ZNF496: variants seen among roughly 807,000 people sequenced by gnomAD.
The protein encoded by ZNF496 is NSD1 (nuclear receptor binding SET-domain containing 1)-interacting zinc finger protein 1.
A neutral mutation model predicts 58.9 loss-of-function variants in ZNF496; 11 were observed. That is an observed-to-expected ratio of 0.19 (90% confidence interval 0.12 to 0.31). The LOEUF (loss-of-function observed/expected upper bound fraction) is 0.31, where lower values mean the gene tolerates loss of function less well. Ranked by LOEUF, ZNF496 falls within the 10% of genes least tolerant of loss-of-function variation. The pLI is 1.00. For synonymous variants in ZNF496, 338 were observed against 318.2 expected (o/e 1.06, Z -0.66); for missense variants, 660 against 783.0 (o/e 0.84, Z 1.88).
rs753661948 is a variant in ZNF496 at position 247,329,207 on chromosome 1, G to T, written c.372C>A (p.Pro124=). 1 of 1,613,370 alleles carries T rather than the reference G, an allele frequency of 6.2e-7. No individual in the cohort carries two copies. ...VAAVEALERE[P]GRPWQWLKHC... The stretch of plus-strand genomic sequence containing the variant: ...TACTCACCCACTGCCAGGGTCTCCC[G>T]GGCTCCCGTTCCAGTGCCTCCACCG... The change falls in exon 4 of 10, where the codon CCC becomes CCA. Residue 124 remains proline (P), a synonymous_variant. Transcript: ENST00000682384. The surrounding 1 kb of genome is among the most constrained non-coding windows in gnomAD (Gnocchi z 5.5).
rs1382500766 is a variant in ZNF496, at chr1:247,322,423, C to A, written c.651+731G>T. Among the ~76,000 whole-genome samples, 3 of 152,160 alleles carry A rather than the reference C, an allele frequency of 2.0e-5. No individual in the cohort carries two copies. The East Asian group carries it at 5.8e-4, about 29-fold the overall frequency. ...TTCTGTTGGGTAAGGAGCAACTAAA[C>A]AAAAGCAGGAGCCACACATCCTGTT... On this transcript the variant is annotated intron_variant, in intron 6 of 9. Transcript: ENST00000682384.
intron 6 of ZNF496, among the ~76,000 whole-genome samples, chr1:247,321,118 A>G (rs1160839017): frequency 6.6e-6 from 1 of 151,808 alleles, no homozygotes; most frequent in Admixed American, 6.6e-5. Flanking sequence ...GGAGGTTGCG[A>G]TGAGCCGAGA....
At chr1:247,322,519 T>C (rs557836663) in intron 6 of ZNF496, among the ~76,000 whole-genome samples, 1 of 152,034 alleles carries the variant, frequency 6.6e-6, no homozygotes, top group Admixed American at 6.5e-5. Flanking sequence ...GGAGGGAAAG[T>C]GAAGGAGATA....
intron 9 of ZNF496, among the ~76,000 whole-genome samples, chr1:247,305,477 C>A (rs1405014765): frequency 4.6e-5 from 7 of 152,126 alleles, no homozygotes; most frequent in Non-Finnish European, 8.8e-5. Context: ...ACATAGCTAG[C>A]AGGCAGCCAG....
intron 9 of ZNF496, among the ~76,000 whole-genome samples, chr1:247,305,705 T>G (rs1659385334): frequency 6.6e-6 from 1 of 152,220 alleles, no homozygotes; most frequent in African/African-American, 2.4e-5. Flanking sequence ...CTTGTAAAGT[T>G]AGAATGGGGA....
At chr1:247,328,917 T>C (rs1441676549) in intron 4 of ZNF496, 51 bp from the exon 5 acceptor site, 4 of 1,536,276 alleles carry the variant, frequency 2.6e-6, no homozygotes, top group East Asian at 2.3e-5. Flanking sequence ...GTCCCATCTC[T>C]CCCTGGGCCT....
At position 247,300,420 on chromosome 1, in the gene ZNF496, C is replaced by T. The variant is rs1024267985; in HGVS notation, c.*99G>A. 1 of 1,356,042 alleles carries T rather than the reference C, an allele frequency of 7.4e-7. No homozygotes were observed. The highest frequency in any genetic ancestry group is 9.9e-7 in the Non-Finnish European group (1 of 1,011,894). 84.0% of individuals were successfully genotyped at this position (1,356,042 alleles called of 1,614,324 possible). On this transcript the variant is annotated 3_prime_UTR_variant, in exon 10 of 10. Transcript: ENST00000682384. The surrounding 1 kb of genome is among the most constrained non-coding windows in gnomAD (Gnocchi z 5.7). ...AGCAAGGACAGGAGGGAGGTGTGCT[C>T]TCTATCCTGGGGAAGGTATGTCCTG...
intron 5 of ZNF496, among the ~76,000 whole-genome samples, chr1:247,323,790 A>G (rs554708402): frequency 5.9e-5 from 9 of 152,014 alleles, no homozygotes; most frequent in African/African-American, 1.7e-4. Context: ...GAAGAAGAAA[A>G]AGAAAAAGCC....
chr1:247,322,675 G>A (rs1165229930), intron 6 of ZNF496: 8 of 1,271,338 alleles, frequency 6.3e-6, no homozygotes, highest in Non-Finnish European at 8.2e-6. Context: ...GAGAACATTC[G>A]AGGAAATTCT....
Position 247,301,201 on chromosome 1 carries a change from C to G in ZNF496, c.1082G>C (p.Gly361Ala), listed in dbSNP as rs768458477. 1.9e-6 allele frequency: 3 copies of G among 1,578,428 alleles called. No homozygotes were observed. The highest frequency in any genetic ancestry group is 2.6e-6 in the Non-Finnish European group (3 of 1,160,406). ...CGGGCCATGCTGGGAGTCCTCGTCC[C>G]CAGAGCTGGAGAGAACGATCTCGAT... ...VTIEIVLSSS[G>A]DEDSQHGPYC... Residue 361 changes from glycine (G) to alanine (A), a missense_variant, in exon 10 of 10, where the codon GGG becomes GCG. Coordinates refer to ENST00000682384, the MANE Select transcript of ZNF496 (RefSeq NM_032752.3).
At chr1:247,304,031 T>C (rs1185675375) in intron 9 of ZNF496, 1 of 438,688 alleles carries the variant, frequency 2.3e-6, no homozygotes, top group East Asian at 7.6e-5. Flanking sequence ...GAGTATTATA[T>C]ACCAGCAGAA....
rs1271586737 is a variant in ZNF496 at position 247,301,082 on chromosome 1, T to C, written c.1201A>G (p.Thr401Ala). The C allele has an allele frequency of 6.2e-7, 1 of 1,613,742 alleles. No homozygotes were observed. The highest frequency in any genetic ancestry group is 1.1e-5 in the South Asian group (1 of 91,086). The change falls in exon 10 of 10, where the codon ACC becomes GCC. Residue 401 changes from threonine to alanine, a missense_variant. Transcript: ENST00000682384. ...GGACACACGTAGGACTTCTTGGAGG[T>C]CTGCACCTCGCCTCCGGCCTCGGTG... is the stretch of plus-strand genomic sequence containing the variant. ...SSTEAGGEVQ[T>A]SKKSYVCPNC...
intron 9 of ZNF496, among the ~76,000 whole-genome samples, chr1:247,303,227 G>C (rs1659302831): frequency 6.6e-6 from 1 of 152,238 alleles, no homozygotes. Flanking sequence ...GACACAGCAA[G>C]ATGGGAGCCG....
Position 247,309,710 on chromosome 1 carries a change from A to G in ZNF496, c.881T>C (p.Val294Ala). Residue 294 changes from valine (V) to alanine (A), a missense_variant, in exon 8 of 10, where the codon GTC becomes GCC. By Grantham distance (64) the Val-to-Ala change is moderately conservative. Transcript: ENST00000682384. This position sits in a 1 kb window ranked among gnomAD's most constrained non-coding sequence, Gnocchi z 4.3. ...GAATCATTACTCACCCAAGTAGGAG[A>G]CCTGGGGCACTTCTTTGCCCTGGAG... ...QDLQGKEVPQ[V>A]SYLDSPSLQP... The G allele has an allele frequency of 6.2e-7, 1 of 1,614,050 alleles. No homozygotes were observed. Among genetic ancestry groups the G allele is most frequent in the Non-Finnish European group, 8.5e-7 (1 of 1,180,028 alleles).
chr1:247,312,147 A>G (rs1480157879), intron 6 of ZNF496: 1 of 152,148 alleles, frequency 6.6e-6, no homozygotes, highest in Non-Finnish European at 1.5e-5. Context: ...TAACAATCCC[A>G]TCTTTAAATC....
intron 9 of ZNF496, chr1:247,307,143 G>A: frequency 5.1e-6 from 5 of 985,432 alleles, no homozygotes; most frequent in Non-Finnish European, 6.0e-6. Flanking sequence ...TGAACATCTG[G>A]GAGTGTCCTG....
At chr1:247,310,295 T>G (rs1659559684) in intron 7 of ZNF496, 29 bp downstream of exon 7, 1 of 1,613,770 alleles carries the variant, frequency 6.2e-7, no homozygotes, top group Non-Finnish European at 8.5e-7. Flanking sequence ...TTCCCTGGTC[T>G]TGAGGTGTGG....
In ZNF496 at chr1:247,330,190, C is replaced by T. The variant is rs527277763; in HGVS notation, c.-153-109G>A. 1.3e-4 allele frequency: 20 copies of T among 152,372 alleles called. No homozygotes were observed. In the East Asian group the frequency reaches 3.3e-3, roughly 25 times the overall value. 9.4% of individuals were successfully genotyped at this position (152,372 alleles called of 1,614,324 possible). Reference sequence around the variant, plus strand: ...ATGGTGCTGCGTGCTGGATGGACAACCCAGCCAGAATCAGCTTTGCCCAGC... The same window carrying T: ...ATGGTGCTGCGTGCTGGATGGACAATCCAGCCAGAATCAGCTTTGCCCAGC... On this transcript the variant is annotated intron_variant, in intron 2 of 9. Coordinates refer to ENST00000682384, the MANE Select transcript of ZNF496 (RefSeq NM_032752.3).
rs61737662 is a variant in ZNF496, at chr1:247,301,174, T to C, written c.1109A>G (p.Tyr370Cys). ...GGGGCTCCCCAGCTCTTCTGTGCAG[T>C]ACGGGCCATGCTGGGAGTCCTCGTC... ...SGDEDSQHGPYCTEELGSPTE... is the reference protein window; with the variant it reads ...SGDEDSQHGPCCTEELGSPTE... The change falls in exon 10 of 10, where the codon TAC (tyrosine) becomes TGC (cysteine). Residue 370 changes from tyrosine (Y) to cysteine (C), a missense_variant. Tyr to Cys is a radical substitution (Grantham distance 194). Transcript: ENST00000682384. 1 of 1,601,054 alleles carries C rather than the reference T, an allele frequency of 6.2e-7. No homozygotes were observed. Among genetic ancestry groups the C allele is most frequent in the Non-Finnish European group, 8.5e-7 (1 of 1,172,218 alleles).
Sources: gnomAD v4.1 joint callset for allele counts (sites outside exome capture counted in the v4.1 genomes callset) on GRCh38, gnomAD v4.1.1 for gene constraint, Gnocchi (gnomAD v3.1) non-coding constraint, MANE v1.5 for transcripts, NCBI Gene and HGNC (gene_info 2026-07-23, HGNC 2026-07-21) for gene names.